RMDN2: variants seen among roughly 807,000 people sequenced by gnomAD.
The protein encoded by RMDN2 is regulator of microtubule dynamics 2.
A neutral mutation model predicts 52.8 loss-of-function variants in RMDN2; 61 were observed. The ratio of observed to expected loss-of-function variants is 1.16; its 90% CI spans 0.94 to 1.43. The LOEUF is 1.43. Ranked by LOEUF, RMDN2 falls within the 40% of genes most tolerant of loss-of-function variation. RMDN2 has a pLI of 0.00. For missense variants in RMDN2, 592 were observed against 475.3 expected (o/e 1.25, Z -2.28); for synonymous variants, 180 against 153.1 (o/e 1.18, Z -1.30).
intron 10 of RMDN2, among the ~76,000 whole-genome samples, chr2:38,056,062 G>C (rs1681845421): frequency 6.6e-6 from 1 of 152,110 alleles, no homozygotes; most frequent in Non-Finnish European, 1.5e-5. Context: ...ACCTCACCTG[G>C]ATCATTGCCA....
chr2:37,953,728 T>A lies in RMDN2; in HGVS notation c.453-20312T>A, dbSNP rs574274437. Among the ~76,000 whole-genome samples, 25 of 152,192 alleles carry A rather than the reference T, an allele frequency of 1.6e-4. No individual in the cohort carries two copies. The East Asian group carries it at 4.4e-3, about 27-fold the overall frequency. On this transcript the variant is annotated intron_variant, in intron 2 of 10. Transcript: ENST00000354545. Reference sequence around the variant, plus strand: ...TATATCCAGAAGTGGAATTATTGGATCATGTGGTAATTATATTTTAATTTT... The same window carrying A: ...TATATCCAGAAGTGGAATTATTGGAACATGTGGTAATTATATTTTAATTTT...
At chr2:37,946,660 G>A (rs1450259053) in intron 2 of RMDN2, among the ~76,000 whole-genome samples, 4 of 152,178 alleles carry the variant, frequency 2.6e-5, no homozygotes. Flanking sequence ...TCAGGAGGTG[G>A]TTGCCCCATT....
chr2:37,979,772 G>A (rs1673064214), intron 4 of RMDN2, among the ~76,000 whole-genome samples: 1 of 152,092 alleles, frequency 6.6e-6, no homozygotes, highest in African/African-American at 2.4e-5. Flanking sequence ...TATATTCTTG[G>A]AGTGATGGAA....
At chr2:37,973,921 C>A in intron 2 of RMDN2, 119 bp from the exon 3 acceptor site, 2 of 740,712 alleles carry the variant, frequency 2.7e-6, no homozygotes, top group Non-Finnish European at 4.4e-6. Context: ...AGTGAAAGCA[C>A]GTGCCACTGC....
intron 5 of RMDN2, among the ~76,000 whole-genome samples, chr2:37,985,198 A>G (rs905693681): frequency 6.6e-6 from 1 of 152,146 alleles, no homozygotes; most frequent in Non-Finnish European, 1.5e-5. Flanking sequence ...GATATCCATA[A>G]GTAGTTCTGA....
chr2:38,026,900 C>A (rs1307136415), intron 10 of RMDN2: 1 of 151,470 alleles, frequency 6.6e-6, no homozygotes, highest in Non-Finnish European at 1.5e-5. Flanking sequence ...TTCTTTCATT[C>A]ATGGGTTATT....
At chr2:38,039,737 G>A (rs1001964836) in intron 10 of RMDN2, among the ~76,000 whole-genome samples, 5 of 152,172 alleles carry the variant, frequency 3.3e-5, no homozygotes, top group Non-Finnish European at 7.3e-5. Flanking sequence ...AGCTGGGAAG[G>A]GTGCCAGGCT....
chr2:37,924,250 A>C (rs1347438416), upstream of RMDN2, among the ~76,000 whole-genome samples: 1 of 151,492 alleles, frequency 6.6e-6, no homozygotes, highest in East Asian at 2.1e-4. Context: ...GTTTTGAGAA[A>C]GAGTGTACCC....
chr2:37,939,710 AC>A (rs1558444851), intron 2 of RMDN2, among the ~76,000 whole-genome samples: 1 of 151,784 alleles, frequency 6.6e-6, no homozygotes, highest in East Asian at 1.9e-4. Context: ...AGTATTGCAA[AC>A]CCTGCTTTTT....
chr2:37,932,691 A>AC (rs536400496), intron 2 of RMDN2, among the ~76,000 whole-genome samples: 2,701 of 95,416 alleles, frequency 0.028, 207 homozygotes, highest in African/African-American at 0.1. Flanking sequence ...CGGGGGGCTG[A>AC]CCCCCCCCAC....
At chr2:38,054,974 TA>T (rs1558592198) in intron 10 of RMDN2, among the ~76,000 whole-genome samples, 1 of 152,220 alleles carries the variant, frequency 6.6e-6, no homozygotes, top group African/African-American at 2.4e-5. Context: ...GTAAAACTAA[TA>T]AAACACATTC....
intron 5 of RMDN2, among the ~76,000 whole-genome samples, chr2:37,984,103 G>T (rs938509614): frequency 6.6e-6 from 1 of 152,138 alleles, no homozygotes; most frequent in Non-Finnish European, 1.5e-5. Flanking sequence ...TTCAAAAAGG[G>T]TTAGTATGAT....
intron 2 of RMDN2, among the ~76,000 whole-genome samples, chr2:37,963,711 A>T (rs1217481851): frequency 7.9e-6 from 1 of 126,268 alleles, no homozygotes; most frequent in African/African-American, 2.9e-5. Context: ...TCCTATGTCT[A>T]CTTCTTTCTA....
intron 8 of RMDN2, among the ~76,000 whole-genome samples, chr2:38,002,566 T>C (rs1034842504): frequency 2.6e-5 from 4 of 152,274 alleles, no homozygotes; most frequent in Non-Finnish European, 5.9e-5. Flanking sequence ...TACTGAGGTA[T>C]AATTGACAAG....
At chr2:38,022,870 T>G (rs1436830145) in intron 10 of RMDN2, among the ~76,000 whole-genome samples, 1 of 152,210 alleles carries the variant, frequency 6.6e-6, no homozygotes, top group Admixed American at 6.5e-5. Flanking sequence ...ATAAACAGTT[T>G]AAGCGTTGAT....
intron 10 of RMDN2, among the ~76,000 whole-genome samples, chr2:38,008,145 A>G (rs1411914805): frequency 2.0e-5 from 3 of 152,188 alleles, no homozygotes; most frequent in Non-Finnish European, 4.4e-5. Context: ...CAATTTTGGA[A>G]TAAGTGTGGC....
At chr2:37,953,240 C>T (rs1052165856) in intron 2 of RMDN2, 1 of 151,854 alleles carries the variant, frequency 6.6e-6, no homozygotes, top group Non-Finnish European at 1.5e-5. Context: ...TGTGTTTCAG[C>T]AACATTAAGT....
At chr2:38,020,288 C>G (rs964454089), downstream of RMDN2, among the ~76,000 whole-genome samples, 7 of 152,264 alleles carry the variant, frequency 4.6e-5, no homozygotes, top group East Asian at 7.7e-4. Flanking sequence ...CTAGATGGTC[C>G]CATCTAGGGG....
intron 2 of RMDN2, among the ~76,000 whole-genome samples, chr2:37,963,493 C>T (rs1670567822): frequency 6.6e-6 from 1 of 152,104 alleles, no homozygotes; most frequent in Middle Eastern, 3.4e-3. Flanking sequence ...TCCCTGGGTA[C>T]TTGAGATTAG....
Sources: gnomAD v4.1 joint callset for allele counts (sites outside exome capture counted in the v4.1 genomes callset) on GRCh38, gnomAD v4.1.1 for gene constraint, MANE v1.5 for transcripts, NCBI Gene and HGNC (gene_info 2026-07-23, HGNC 2026-07-21) for gene names.